PCBP3: variants seen among roughly 807,000 people sequenced by gnomAD.
PCBP3 encodes the protein poly(rC)-binding protein 3.
A neutral mutation model predicts 52.7 loss-of-function variants in PCBP3; 25 were observed. The observed-to-expected ratio is 0.47, with a 90% CI of 0.35 to 0.66. The LOEUF (loss-of-function observed/expected upper bound fraction) is 0.66, where lower values mean the gene tolerates loss of function less well. PCBP3 is among the 30% of genes least tolerant of loss of function. The pLI is 0.01. For missense variants in PCBP3, 391 were observed against 490.3 expected (o/e 0.80, Z 1.91); for synonymous variants, 162 against 183.0 (o/e 0.89, Z 0.93).
chr21:45,803,140 C>T (rs1356873088), intron 4 of PCBP3, among the ~76,000 whole-genome samples: 1 of 152,208 alleles, frequency 6.6e-6, no homozygotes, highest in Non-Finnish European at 1.5e-5. Context: ...GTGCCTGCAG[C>T]TGTGTGGGTG....
intron 1 of PCBP3, among the ~76,000 whole-genome samples, chr21:45,645,090 C>G (rs1344301793): frequency 6.6e-6 from 1 of 152,198 alleles, no homozygotes; most frequent in Non-Finnish European, 1.5e-5. Flanking sequence ...GGATCATTTG[C>G]AAGATCTGAA....
At chr21:45,784,979 C>A (rs1386578354) in intron 4 of PCBP3, among the ~76,000 whole-genome samples, 2 of 150,548 alleles carry the variant, frequency 1.3e-5, no homozygotes, top group African/African-American at 4.9e-5. Flanking sequence ...AAGTGAGGAG[C>A]GTCTCTGCCC....
intron 2 of PCBP3, among the ~76,000 whole-genome samples, chr21:45,690,036 G>C (rs2082368989): frequency 6.6e-6 from 1 of 152,086 alleles, no homozygotes; most frequent in Non-Finnish European, 1.5e-5. Flanking sequence ...AAATGCAAAA[G>C]ACCTAAAACA....
At chr21:45,686,679 A>G (rs547103283) in intron 2 of PCBP3, among the ~76,000 whole-genome samples, 1 of 152,352 alleles carries the variant, frequency 6.6e-6, no homozygotes, top group Non-Finnish European at 1.5e-5. Context: ...AAAGGGCAAC[A>G]TGAACATAGT....
chr21:45,719,375 C>T (rs1603312550), intron 2 of PCBP3, among the ~76,000 whole-genome samples: 2 of 152,092 alleles, frequency 1.3e-5, no homozygotes, highest in Admixed American at 1.3e-4. Flanking sequence ...TGAGAACAAG[C>T]CATACCCGGT....
rs2147388980 is a variant in PCBP3, at chr21:45,821,253, C to A, written c.-125-28708C>A. On this transcript the variant is annotated intron_variant, in intron 4 of 17. Coordinates refer to ENST00000681687, the MANE Select transcript of PCBP3 (RefSeq NM_001384156.1). This position sits in a 1 kb window ranked among gnomAD's most constrained non-coding sequence, Gnocchi z 4.4. Reference sequence around the variant, plus strand: ...TCCCTAATCCTGGATTCCGCAGGGGCTCCAAGACCCTCAGGGTCGCCAGTG... The same window carrying A: ...TCCCTAATCCTGGATTCCGCAGGGGATCCAAGACCCTCAGGGTCGCCAGTG... Among the ~76,000 whole-genome samples the A allele has an allele frequency of 6.6e-6, 1 of 152,154 alleles. No individual in the cohort carries two copies. Among genetic ancestry groups the A allele is most frequent in the South Asian group, 2.1e-4 (1 of 4,822 alleles).
chr21:45,830,026 G>A lies in PCBP3; in HGVS notation c.-125-19935G>A, dbSNP rs1198798507. 1 of 152,744 alleles carries A rather than the reference G, an allele frequency of 6.5e-6. No homozygotes were observed. Among genetic ancestry groups the A allele is most frequent in the Non-Finnish European group, 1.5e-5 (1 of 68,100 alleles). 9.5% of individuals were successfully genotyped at this position (152,744 alleles called of 1,614,324 possible). Reference sequence around the variant, plus strand: ...TAGTTTGGGGCCTGCCTGCTCAGCAGGGTAGTGGCCTCCCTGGGCCTCCAA... The same window carrying A: ...TAGTTTGGGGCCTGCCTGCTCAGCAAGGTAGTGGCCTCCCTGGGCCTCCAA... On this transcript the variant is annotated intron_variant, in intron 4 of 17. Coordinates refer to ENST00000681687, the MANE Select transcript of PCBP3 (RefSeq NM_001384156.1). This position sits in a 1 kb window ranked among gnomAD's most constrained non-coding sequence, Gnocchi z 4.4.
chr21:45,930,038 G>A, intron 14 of PCBP3, 43 bp downstream of exon 14: 6 of 1,391,104 alleles, frequency 4.3e-6, no homozygotes, highest in Non-Finnish European at 6.1e-6. Context: ...CTTCTCACCT[G>A]GGGACTTTCT....
At chr21:45,781,943 T>TA (rs939524853) in intron 4 of PCBP3, among the ~76,000 whole-genome samples, 8 of 152,214 alleles carry the variant, frequency 5.3e-5, no homozygotes, top group African/African-American at 1.4e-4. Context: ...TATATATACT[T>TA]ACGATTTTTG....
chr21:45,804,229 C>G (rs546328765), intron 4 of PCBP3, among the ~76,000 whole-genome samples: 2 of 152,332 alleles, frequency 1.3e-5, no homozygotes, highest in South Asian at 4.1e-4. Flanking sequence ...GCTGCAGGCT[C>G]TGGCGTGTTC....
At chr21:45,685,028 T>C (rs917338990) in intron 2 of PCBP3, among the ~76,000 whole-genome samples, 1 of 152,208 alleles carries the variant, frequency 6.6e-6, no homozygotes, top group African/African-American at 2.4e-5. Flanking sequence ...GTCTACCATA[T>C]CAGCTTGTTG....
chr21:45,874,590 C>T (rs554413047), intron 5 of PCBP3, among the ~76,000 whole-genome samples: 4 of 151,146 alleles, frequency 2.6e-5, no homozygotes, highest in Admixed American at 1.3e-4. Context: ...ACTGCAACCT[C>T]GGGCTCCCAG....
At chr21:45,815,060 A>G (rs1219146818) in intron 4 of PCBP3, among the ~76,000 whole-genome samples, 3 of 72,108 alleles carry the variant, frequency 4.2e-5, no homozygotes, top group African/African-American at 6.5e-5. Context: ...GTGAGTGTTG[A>G]GTGAGTGATG....
At chr21:45,721,459 A>G (rs1220358557) in intron 2 of PCBP3, among the ~76,000 whole-genome samples, 3 of 150,648 alleles carry the variant, frequency 2.0e-5, no homozygotes, top group African/African-American at 7.3e-5. Flanking sequence ...GCTGACCGTG[A>G]GTATTTGAGG....
chr21:45,659,356 T>TC (rs1478424650), intron 1 of PCBP3, among the ~76,000 whole-genome samples: 4 of 145,802 alleles, frequency 2.7e-5, no homozygotes, highest in Non-Finnish European at 6.0e-5. Context: ...TTTTTTTTTT[T>TC]TTTTGAGACA....
At chr21:45,669,852 T>G (rs1388151643) in intron 2 of PCBP3, among the ~76,000 whole-genome samples, 1 of 136,922 alleles carries the variant, frequency 7.3e-6, no homozygotes, top group Non-Finnish European at 1.6e-5. Context: ...TATATCACAT[T>G]TTGTTTATTC....
At position 45,791,012 on chromosome 21, in the gene PCBP3, G is replaced by A. The variant is rs1432577127; in HGVS notation, c.-126+35560G>A. On this transcript the variant is annotated intron_variant, in intron 4 of 17. Coordinates refer to ENST00000681687, the MANE Select transcript of PCBP3 (RefSeq NM_001384156.1). The surrounding 1 kb of genome is among the most constrained non-coding windows in gnomAD (Gnocchi z 4.2). ...ACCAGCAGAGCTCTCACAAGGGCAGGAGAACCACTGGGGCAGCCTTGGGAT... is the reference window on the plus strand; with the variant it reads ...ACCAGCAGAGCTCTCACAAGGGCAGAAGAACCACTGGGGCAGCCTTGGGAT... 6.6e-6 allele frequency among the ~76,000 whole-genome samples: 1 copy of A among 152,174 alleles called. No homozygotes were observed. The highest frequency in any genetic ancestry group is 1.9e-4 in the East Asian group (1 of 5,176).
At chr21:45,706,489 C>T (rs547957942) in intron 2 of PCBP3, among the ~76,000 whole-genome samples, 5 of 152,166 alleles carry the variant, frequency 3.3e-5, no homozygotes, top group African/African-American at 1.2e-4. Context: ...CTCCCTCTGC[C>T]ATCTCTCTCT....
intron 9 of PCBP3, among the ~76,000 whole-genome samples, chr21:45,906,581 C>T (rs1013597692): frequency 2.6e-5 from 4 of 152,096 alleles, no homozygotes; most frequent in Non-Finnish European, 5.9e-5. Context: ...GGCTCTGCCC[C>T]GGTCATTTTG....
Sources: allele counts gnomAD v4.1 joint callset (sites outside exome capture counted in the v4.1 genomes callset), GRCh38; gene constraint gnomAD v4.1.1; non-coding constraint Gnocchi (gnomAD v3.1); transcripts MANE v1.5; gene names NCBI Gene and HGNC (gene_info 2026-07-23, HGNC 2026-07-21).